CFDP1: variants seen among roughly 807,000 people sequenced by gnomAD.
CFDP1 encodes heterochromatin-stabilizing protein CFDP1.
Under a neutral mutation model 40.1 loss-of-function variants are expected in CFDP1, and 31 were observed. The ratio of observed to expected loss-of-function variants is 0.77; its 90% confidence interval spans 0.58 to 1.04. CFDP1 has a LOEUF of 1.04. Among genes scored for constraint, CFDP1 ranks in the 50% least tolerant of loss-of-function variants. The pLI, the probability that CFDP1 is intolerant of heterozygous loss-of-function variation, is 0.00. For synonymous variants in CFDP1, 167 were observed against 120.0 expected, an observed-to-expected ratio of 1.39 and a Z score of -2.56; for missense variants, 423 against 343.4, an observed-to-expected ratio of 1.23 and a Z score of -1.83.
chr16:75,363,414 G>T (rs1404912164), intron 5 of CFDP1, among the ~76,000 whole-genome samples: 1 of 148,056 alleles, frequency 6.8e-6, no homozygotes, highest in African/African-American at 2.5e-5. Flanking sequence ...TTTTTTCCAT[G>T]AGATGGTGTC....
chr16:75,398,396 T>G (rs947758932), intron 4 of CFDP1, among the ~76,000 whole-genome samples: 2 of 152,148 alleles, frequency 1.3e-5, no homozygotes, highest in Non-Finnish European at 2.9e-5. Flanking sequence ...ACTACCCCAG[T>G]TAGAGGGGGA....
chr16:75,324,091 G>C (rs1214090332), intron 5 of CFDP1, among the ~76,000 whole-genome samples: 1 of 152,184 alleles, frequency 6.6e-6, no homozygotes, highest in African/African-American at 2.4e-5. Flanking sequence ...ACTGGAGATA[G>C]ACAGATTTCT....
intron 5 of CFDP1, among the ~76,000 whole-genome samples, chr16:75,378,957 C>A (rs1297281422): frequency 6.6e-6 from 1 of 151,884 alleles, no homozygotes; most frequent in Non-Finnish European, 1.5e-5. Context: ...AGAAAACTCT[C>A]TGAAAACTTG....
chr16:75,370,239 C>G (rs1271134696), intron 5 of CFDP1, among the ~76,000 whole-genome samples: 1 of 151,786 alleles, frequency 6.6e-6, no homozygotes, highest in East Asian at 1.9e-4. Context: ...ATTACAGGTG[C>G]CTGCCACCAC....
chr16:75,294,726 C>G (rs1229058263), intron 6 of CFDP1, among the ~76,000 whole-genome samples: 1 of 152,194 alleles, frequency 6.6e-6, no homozygotes, highest in Non-Finnish European at 1.5e-5. Context: ...GACAGGAGAA[C>G]TCTTTCCCTA....
intron 5 of CFDP1, chr16:75,394,582 C>G (rs1191039301): frequency 6.7e-6 from 1 of 148,716 alleles, no homozygotes; most frequent in Admixed American, 6.8e-5. Context: ...ACACGTTCAG[C>G]TTTGTGTTCA....
intron 5 of CFDP1, among the ~76,000 whole-genome samples, chr16:75,370,256 C>G (rs960493775): frequency 6.6e-6 from 1 of 151,672 alleles, no homozygotes. Flanking sequence ...CCACACCCAG[C>G]TAATTTTTGT....
chr16:75,394,004 G>T (rs1303053919), intron 5 of CFDP1, among the ~76,000 whole-genome samples: 1 of 151,988 alleles, frequency 6.6e-6, no homozygotes, highest in Non-Finnish European at 1.5e-5. Context: ...GCAGTGAGCC[G>T]AGATTGCGCC....
At chr16:75,305,992 T>C (rs1446799260) in intron 5 of CFDP1, among the ~76,000 whole-genome samples, 1 of 152,164 alleles carries the variant, frequency 6.6e-6, no homozygotes, top group African/African-American at 2.4e-5. Context: ...TTCCAGTCAT[T>C]GTTAAACATA....
intron 4 of CFDP1, among the ~76,000 whole-genome samples, chr16:75,406,945 T>G (rs1256780908): frequency 6.6e-6 from 1 of 152,106 alleles, no homozygotes; most frequent in Non-Finnish European, 1.5e-5. Context: ...CGCCTGAACC[T>G]GGGAGGCGGA....
intron 1 of CFDP1, among the ~76,000 whole-genome samples, chr16:75,417,817 C>CA (rs901514607): frequency 9.8e-4 from 134 of 137,220 alleles, no homozygotes; most frequent in African/African-American, 2.2e-3. Flanking sequence ...ATTCCAAAGA[C>CA]AAAAAAAAAA....
At chr16:75,347,376 A>G (rs1364610925) in intron 5 of CFDP1, among the ~76,000 whole-genome samples, 5 of 148,114 alleles carry the variant, frequency 3.4e-5, no homozygotes, top group Non-Finnish European at 6.0e-5. Context: ...AAAAAGAAAA[A>G]GAAAAAGAAA....
intron 5 of CFDP1, among the ~76,000 whole-genome samples, chr16:75,342,840 A>G (rs1567651246): frequency 6.6e-6 from 1 of 152,204 alleles, no homozygotes; most frequent in Non-Finnish European, 1.5e-5. Flanking sequence ...AATCTGGGGA[A>G]GATATTACAG....
At chr16:75,395,346 G>A in intron 4 of CFDP1, 137 bp from the exon 5 acceptor site, 1 of 926,748 alleles carries the variant, frequency 1.1e-6, no homozygotes. Context: ...TATGATAAAA[G>A]TTTACTATAA....
chr16:75,384,470 T>G (rs1276273649), intron 5 of CFDP1, among the ~76,000 whole-genome samples: 1 of 152,148 alleles, frequency 6.6e-6, no homozygotes, highest in Non-Finnish European at 1.5e-5. Context: ...AAATACATAT[T>G]GGTAAATGTA....
At chr16:75,337,794 C>T (rs1479178041) in intron 5 of CFDP1, among the ~76,000 whole-genome samples, 1 of 152,182 alleles carries the variant, frequency 6.6e-6, no homozygotes, top group Non-Finnish European at 1.5e-5. Context: ...TCCCACCGGG[C>T]CCCTCCTCCA....
chr16:75,368,064 G>A (rs371272038), intron 5 of CFDP1, among the ~76,000 whole-genome samples: 4 of 152,164 alleles, frequency 2.6e-5, no homozygotes, highest in East Asian at 1.9e-4. Context: ...AGATCGCACC[G>A]TGCCCTCTGG....
At chr16:75,353,247 CACTG>C (rs1257611159) in intron 5 of CFDP1, among the ~76,000 whole-genome samples, 2 of 152,148 alleles carry the variant, frequency 1.3e-5, no homozygotes, top group Non-Finnish European at 2.9e-5. Flanking sequence ...GATATTTAAA[CACTG>C]ACTGGGTATT....
In CFDP1 at chr16:75,315,331, CAAAAA is replaced by C. The variant is rs758174791; in HGVS notation, c.651-10154_651-10150del. ...TGGGTGACAGAGTGAGACCCTATCT[CAAAAA>C]AAAAAAAAAAAAAAAAAAAAAAAAG... is the stretch of plus-strand genomic sequence containing the variant. On this transcript the variant is annotated intron_variant, in intron 5 of 6. Coordinates refer to ENST00000283882, the MANE Select transcript of CFDP1 (RefSeq NM_006324.3). Among the ~76,000 whole-genome samples, 91 of 47,788 alleles carry C rather than the reference CAAAAA, an allele frequency of 1.9e-3. 1 individual carries two copies. Among genetic ancestry groups the C allele is most frequent in the South Asian group, 5.0e-3 (4 of 796 alleles). 31.4% of individuals were successfully genotyped at this position (47,788 alleles called of 152,430 possible).
Sources: allele counts gnomAD v4.1 joint callset (sites outside exome capture counted in the v4.1 genomes callset), GRCh38; gene constraint gnomAD v4.1.1; transcripts MANE v1.5; gene names NCBI Gene and HGNC (gene_info 2026-07-23, HGNC 2026-07-21).